ATF7: variants seen among roughly 807,000 people sequenced by gnomAD.
ATF7 encodes cyclic AMP-dependent transcription factor ATF-7.
In ATF7, 10 loss-of-function variants were observed where a neutral mutation model predicts 50.4. The observed-to-expected ratio is 0.20, with a 90% CI of 0.12 to 0.34. The LOEUF is 0.34. Ranked by LOEUF, ATF7 falls within the 10% of genes least tolerant of loss-of-function variation. The pLI is 1.00. For synonymous variants in ATF7, 201 were observed against 226.4 expected, an observed-to-expected ratio of 0.89 and a Z score of 1.01; for missense variants, 465 against 613.9, an observed-to-expected ratio of 0.76 and a Z score of 2.56.
At chr12:53,527,088 G>T (rs2137352448) in intron 9 of ATF7, among the ~76,000 whole-genome samples, 1 of 152,154 alleles carries the variant, frequency 6.6e-6, no homozygotes, top group Non-Finnish European at 1.5e-5. Flanking sequence ...GAACCTGGGA[G>T]GTGGAGGTTG....
intron 2 of ATF7, among the ~76,000 whole-genome samples, chr12:53,577,524 G>C (rs1942145375): frequency 1.3e-5 from 2 of 151,934 alleles, no homozygotes; most frequent in African/African-American, 2.4e-5. Context: ...AGACCATCTT[G>C]GCTAACACAG....
chr12:53,564,042 AG>A (rs1211766262), intron 2 of ATF7, among the ~76,000 whole-genome samples: 4 of 152,164 alleles, frequency 2.6e-5, no homozygotes, highest in Non-Finnish European at 4.4e-5. Flanking sequence ...TCACTTTCTT[AG>A]GGTATCTGAT....
At chr12:53,570,749 G>A (rs1402899753) in intron 2 of ATF7, among the ~76,000 whole-genome samples, 3 of 150,716 alleles carry the variant, frequency 2.0e-5, no homozygotes, top group South Asian at 2.1e-4. Flanking sequence ...GTGTGTGTGT[G>A]TGTGTGTGTG....
Position 53,524,430 on chromosome 12 carries a change from G to C in ATF7, c.1125+134C>G. ...GAGATTTCAACTCTGACCGTTAAGA[G>C]ATTCTTCATGGGACAACTAGATCTG... On this transcript the variant is annotated intron_variant, in intron 10 of 11. Coordinates refer to ENST00000420353, the MANE Select transcript of ATF7 (RefSeq NM_006856.3). This position sits in a 1 kb window ranked among gnomAD's most constrained non-coding sequence, Gnocchi z 4.6. 1 of 1,027,378 alleles carries C rather than the reference G, an allele frequency of 9.7e-7. No homozygotes were observed. Among genetic ancestry groups the C allele is most frequent in the Non-Finnish European group, 1.4e-6 (1 of 716,184 alleles). The allele number at this position is 1,027,378 out of a possible 1,614,324, so 63.6% of individuals were successfully genotyped here.
intron 9 of ATF7, among the ~76,000 whole-genome samples, chr12:53,529,662 C>T (rs1212803495): frequency 6.8e-6 from 1 of 146,600 alleles, no homozygotes; most frequent in Non-Finnish European, 1.5e-5. Context: ...TATACACACA[C>T]ACATATATAT....
chr12:53,574,293 C>T (rs1223652510), intron 2 of ATF7, among the ~76,000 whole-genome samples: 2 of 152,162 alleles, frequency 1.3e-5, no homozygotes, highest in Non-Finnish European at 2.9e-5. Flanking sequence ...AGGAGTGTGA[C>T]AGGCCCAGGA....
intron 2 of ATF7, among the ~76,000 whole-genome samples, chr12:53,597,321 T>C (rs1048396784): frequency 2.0e-5 from 3 of 152,154 alleles, no homozygotes; most frequent in African/African-American, 4.8e-5. Context: ...TGTTTACGTA[T>C]CCATTGAAAG....
chr12:53,574,287 G>A (rs1941933960), intron 2 of ATF7, among the ~76,000 whole-genome samples: 1 of 152,208 alleles, frequency 6.6e-6, no homozygotes, highest in African/African-American at 2.4e-5. Context: ...AGGTGCAGGA[G>A]TGTGACAGGC....
At chr12:53,531,643 A>T (rs1938897456) in intron 9 of ATF7, 101 bp downstream of exon 9, 3 of 1,307,730 alleles carry the variant, frequency 2.3e-6, no homozygotes. Context: ...GAAACCCAGA[A>T]AGCTGAAGTC....
chr12:53,529,712 C>T (rs112059221), intron 9 of ATF7, among the ~76,000 whole-genome samples: 23 of 132,790 alleles, frequency 1.7e-4, no homozygotes, highest in Non-Finnish European at 2.2e-4. Flanking sequence ...TATACACATA[C>T]ACACACACAC....
intron 2 of ATF7, among the ~76,000 whole-genome samples, chr12:53,596,488 G>T (rs529289582): frequency 6.6e-6 from 1 of 152,248 alleles, no homozygotes; most frequent in South Asian, 2.1e-4. Context: ...TCAAACACTT[G>T]ATTATGGTAA....
At chr12:53,510,662 G>A (rs1180334159), downstream of ATF7, among the ~76,000 whole-genome samples, 1 of 152,212 alleles carries the variant, frequency 6.6e-6, no homozygotes, top group Non-Finnish European at 1.5e-5. Context: ...GCCATTCCAT[G>A]TTTACCATCC....
intron 3 of ATF7, among the ~76,000 whole-genome samples, chr12:53,546,004 C>G (rs2137456805): frequency 6.6e-6 from 1 of 152,206 alleles, no homozygotes; most frequent in East Asian, 1.9e-4. Context: ...ACCAGCCTGA[C>G]CAACATGGAG....
At chr12:53,560,055 T>C (rs913225407) in intron 2 of ATF7, among the ~76,000 whole-genome samples, 2 of 152,114 alleles carry the variant, frequency 1.3e-5, no homozygotes, top group African/African-American at 2.4e-5. Flanking sequence ...CCCAAGTAGC[T>C]GGAATTACAG....
At chr12:53,533,419 A>T (rs138161609) in intron 6 of ATF7, among the ~76,000 whole-genome samples, 160 bp from the exon 7 acceptor site, 1 of 152,354 alleles carries the variant, frequency 6.6e-6, no homozygotes, top group East Asian at 1.9e-4. Context: ...AAGGCAGGGA[A>T]TCCTATTCAA....
At chr12:53,553,506 TTTATGA>T (rs1940517782) in intron 2 of ATF7, among the ~76,000 whole-genome samples, 1 of 152,156 alleles carries the variant, frequency 6.6e-6, no homozygotes, top group South Asian at 2.1e-4. Context: ...CTCTATCCAG[TTTATGA>T]TTAAGTAAAA....
At chr12:53,538,884 G>A (rs1939374075) in intron 4 of ATF7, among the ~76,000 whole-genome samples, 1 of 152,144 alleles carries the variant, frequency 6.6e-6, no homozygotes. Context: ...CTTCATTTCT[G>A]CCTCATTTTT....
chr12:53,556,446 C>T (rs1940757861), intron 2 of ATF7, among the ~76,000 whole-genome samples: 1 of 152,064 alleles, frequency 6.6e-6, no homozygotes, highest in South Asian at 2.1e-4. Flanking sequence ...TCTTATATGC[C>T]TAGGGGGAGA....
At chr12:53,581,823 A>G (rs1942438380) in intron 2 of ATF7, among the ~76,000 whole-genome samples, 1 of 151,770 alleles carries the variant, frequency 6.6e-6, no homozygotes, top group Admixed American at 6.6e-5. Context: ...AAGAAAAGAA[A>G]TAATAAAAAT....
Sources: gnomAD v4.1 joint callset for allele counts (sites outside exome capture counted in the v4.1 genomes callset) on GRCh38, gnomAD v4.1.1 for gene constraint, Gnocchi (gnomAD v3.1) non-coding constraint, MANE v1.5 for transcripts, NCBI Gene and HGNC (gene_info 2026-07-23, HGNC 2026-07-21) for gene names.